The following SNTB2 variants were observed in gnomAD, a reference collection of about 807,000 sequenced individuals.
SNTB2 encodes the protein syntrophin beta 2, also known as beta-2-syntrophin.
SNTB2 carries 34 observed loss-of-function variants against 46.2 expected under a neutral mutation model. The observed-to-expected ratio is 0.74, with a 90% confidence interval of 0.56 to 0.98. SNTB2 has a LOEUF of 0.98. Among genes scored for constraint, SNTB2 ranks in the 50% least tolerant of loss-of-function variants. The pLI is 0.00. For missense variants in SNTB2, 603 were observed against 731.4 expected (o/e 0.82, Z 2.02); for synonymous variants, 290 against 312.6 (o/e 0.93, Z 0.76).
At chr16:69,299,408 T>TG (rs1965258533) in intron 5 of SNTB2, among the ~76,000 whole-genome samples, 182 bp from the exon 6 acceptor site, 1 of 152,224 alleles carries the variant, frequency 6.6e-6, no homozygotes, top group African/African-American at 2.4e-5. Context: ...CCCAAAGTGC[T>TG]GGGATTACAG....
At chr16:69,257,829 T>C (rs528789191) in intron 2 of SNTB2, among the ~76,000 whole-genome samples, 290 of 152,336 alleles carry the variant, frequency 1.9e-3, no homozygotes, top group Non-Finnish European at 3.3e-3. Flanking sequence ...ATATAAAAGA[T>C]GGATAGACTG....
chr16:69,215,049 G>A (rs369465406), intron 1 of SNTB2, among the ~76,000 whole-genome samples: 2 of 152,042 alleles, frequency 1.3e-5, no homozygotes, highest in East Asian at 1.9e-4. Context: ...CACCATGTTG[G>A]CCAGGCTGTT....
At position 69,302,111 on chromosome 16, in the gene SNTB2, T is replaced by A. The variant is rs1965281053; in HGVS notation, c.*1187T>A. On this transcript the variant is annotated 3_prime_UTR_variant, in exon 7 of 7. Transcript: ENST00000336278. ...GTGGCATGGACAAGCAACTGCTAAT[T>A]CGAGACTTACTATTGGCTTCACAGC... The A allele has an allele frequency of 6.6e-6, 1 of 152,132 alleles. No homozygotes were observed. The highest frequency in any genetic ancestry group is 2.4e-5 in the African/African-American group (1 of 41,436). 9.4% of individuals were successfully genotyped at this position (152,132 alleles called of 1,614,324 possible). A position where few individuals can be genotyped will look rare whatever the true frequency, so the allele number is the denominator to read the frequency against.
At position 69,245,795 on chromosome 16, in the gene SNTB2, C is replaced by T. The variant is rs934271398; in HGVS notation, c.774C>T (p.Ser258=). 2 of 1,613,908 alleles carry T rather than the reference C, an allele frequency of 1.2e-6. No individual in the cohort carries two copies. The highest frequency in any genetic ancestry group is 2.7e-5 in the African/African-American group (2 of 74,912). The change falls in exon 2 of 7, where the codon AGC becomes AGT. Residue 258 remains serine, a synonymous_variant. Transcript: ENST00000336278. ...TGTGCTTTGCTGCTAGAAACCTAAG[C>T]ATGCCGGATCTGGAAAACAGGTGAG... ...LKMCFAARNL[S]MPDLENRLIE...
intron 1 of SNTB2, among the ~76,000 whole-genome samples, chr16:69,230,767 CAG>C (rs1318956635): frequency 7.1e-6 from 1 of 140,516 alleles, no homozygotes; most frequent in Non-Finnish European, 1.5e-5. Flanking sequence ...TTTTTTGAGA[CAG>C]AGTCTTGCTC....
intron 1 of SNTB2, among the ~76,000 whole-genome samples, chr16:69,236,759 G>A (rs1420948144): frequency 6.6e-6 from 1 of 152,068 alleles, no homozygotes; most frequent in African/African-American, 2.4e-5. Flanking sequence ...GGAAACTGAG[G>A]GGAGTAGGTA....
At chr16:69,210,715 G>A (rs1472055053) in intron 1 of SNTB2, among the ~76,000 whole-genome samples, 1 of 152,068 alleles carries the variant, frequency 6.6e-6, no homozygotes, top group Non-Finnish European at 1.5e-5. Flanking sequence ...TTTGTAGGCC[G>A]GGTACAGCGG....
At chr16:69,198,444 T>C (rs1964127162) in intron 1 of SNTB2, among the ~76,000 whole-genome samples, 1 of 152,132 alleles carries the variant, frequency 6.6e-6, no homozygotes, top group Non-Finnish European at 1.5e-5. Context: ...AAGAGAAATG[T>C]CTTCATTGCA....
rs756245850 is a variant in SNTB2, at chr16:69,300,918, T to G, written c.1617T>G (p.Leu539=). The G allele has an allele frequency of 1.9e-6, 3 of 1,603,066 alleles. No homozygotes were observed. In the African/African-American group the frequency reaches 4.0e-5, roughly 21 times the overall value. ...CCAAAGTCACTCGTATGGGACTGCTTGTATGAGCAACAAAAAATCAGAAAA... is the reference window on the plus strand; with the variant it reads ...CCAAAGTCACTCGTATGGGACTGCTGGTATGAGCAACAAAAAATCAGAAAA... ...LSAKVTRMGL[L]V The change falls in exon 7 of 7, where the codon CTT becomes CTG. Residue 539 remains leucine, a synonymous_variant. Coordinates refer to ENST00000336278, the MANE Select transcript of SNTB2 (RefSeq NM_006750.4).
chr16:69,232,507 T>C, intron 1 of SNTB2, among the ~76,000 whole-genome samples: 1 of 119,598 alleles, frequency 8.4e-6, no homozygotes. Flanking sequence ...GCGGCCTTTT[T>C]TTTTTTTTTT....
chr16:69,253,475 C>T (rs1037756411), intron 2 of SNTB2, among the ~76,000 whole-genome samples: 3 of 151,298 alleles, frequency 2.0e-5, no homozygotes, highest in Non-Finnish European at 4.4e-5. Context: ...TGGTGAAACC[C>T]CATCTCTACT....
At chr16:69,274,699 C>A (rs569877728) in intron 4 of SNTB2, among the ~76,000 whole-genome samples, 1 of 151,112 alleles carries the variant, frequency 6.6e-6, no homozygotes, top group African/African-American at 2.4e-5. Context: ...TGCCATGGCA[C>A]GTGCCTGTAA....
chr16:69,195,962 C>T (rs745978979), intron 1 of SNTB2, among the ~76,000 whole-genome samples: 11 of 152,198 alleles, frequency 7.2e-5, no homozygotes, highest in Admixed American at 3.9e-4. Flanking sequence ...TAATTTTGGC[C>T]GGGCATGTTG....
intron 2 of SNTB2, among the ~76,000 whole-genome samples, chr16:69,251,468 TAAA>T (rs71148976): frequency 9.4e-5 from 10 of 106,132 alleles, no homozygotes; most frequent in African/African-American, 3.3e-4. Context: ...ATGTTTAGTT[TAAA>T]AAAAAAAAAA....
At chr16:69,285,604 C>T (rs568942318) in intron 5 of SNTB2, among the ~76,000 whole-genome samples, 9 of 149,514 alleles carry the variant, frequency 6.0e-5, no homozygotes, top group Middle Eastern at 6.9e-3. Context: ...TCAAGCCTCC[C>T]GAGTAGCTGG....
intron 5 of SNTB2, among the ~76,000 whole-genome samples, chr16:69,296,430 G>A (rs952579294): frequency 6.6e-6 from 1 of 150,402 alleles, no homozygotes; most frequent in African/African-American, 2.4e-5. Flanking sequence ...GAACATTTAA[G>A]AAATCTCAGG....
At chr16:69,284,817 T>G (rs1453164340) in intron 5 of SNTB2, among the ~76,000 whole-genome samples, 2 of 151,908 alleles carry the variant, frequency 1.3e-5, no homozygotes, top group Non-Finnish European at 1.5e-5. Flanking sequence ...GGTGGTGGTG[T>G]GCATCTGTAG....
At chr16:69,210,082 A>G (rs924620928) in intron 1 of SNTB2, among the ~76,000 whole-genome samples, 7 of 131,470 alleles carry the variant, frequency 5.3e-5, no homozygotes, top group East Asian at 2.2e-4. Flanking sequence ...CTGGAGTGCA[A>G]TGGCGCAATC....
At chr16:69,265,598 G>A (rs184664113) in intron 3 of SNTB2, among the ~76,000 whole-genome samples, 5 of 152,038 alleles carry the variant, frequency 3.3e-5, no homozygotes, top group Non-Finnish European at 7.3e-5. Context: ...GGAGGCCAAG[G>A]CAGGCGTATC....
Sources: allele counts gnomAD v4.1 joint callset (sites outside exome capture counted in the v4.1 genomes callset), GRCh38; gene constraint gnomAD v4.1.1; transcripts MANE v1.5; gene names NCBI Gene and HGNC (gene_info 2026-07-23, HGNC 2026-07-21).